RAB3GAP2: variants seen among roughly 807,000 people sequenced by gnomAD.
The protein encoded by RAB3GAP2 is rab3 GTPase-activating protein non-catalytic subunit.
A neutral mutation model predicts 185.3 loss-of-function variants in RAB3GAP2; 87 were observed. That is an observed-to-expected ratio of 0.47 (90% CI 0.39 to 0.56). The LOEUF (loss-of-function observed/expected upper bound fraction) is 0.56, where lower values mean the gene tolerates loss of function less well. Among genes scored for constraint, RAB3GAP2 ranks in the 20% least tolerant of loss-of-function variants. RAB3GAP2 has a pLI of 0.00. For synonymous variants in RAB3GAP2, 554 were observed against 576.1 expected (o/e 0.96, Z 0.55); for missense variants, 1,492 against 1,638.2 (o/e 0.91, Z 1.54).
In RAB3GAP2 at chr1:220,245,819, C is replaced by G. The variant is rs894313736; in HGVS notation, c.116-12956G>C. Among the ~76,000 whole-genome samples, 4 of 152,320 alleles carry G rather than the reference C, an allele frequency of 2.6e-5. No individual in the cohort carries two copies. In the East Asian group the frequency reaches 7.7e-4, roughly 29 times the overall value. On this transcript the variant is annotated intron_variant, in intron 1 of 34. Coordinates refer to ENST00000358951, the MANE Select transcript of RAB3GAP2 (RefSeq NM_012414.4). ...GTTCTCCCAGCAAGCAGCTGGAGAT[C>G]TGAGAACAGGCAGACTGCCTCTTCA...
rs758610450 is a variant in RAB3GAP2, at chr1:220,185,661, T to A, written c.1860A>T (p.Leu620Phe). The A allele has an allele frequency of 6.2e-7, 1 of 1,609,348 alleles. No homozygotes were observed. The highest frequency in any genetic ancestry group is 1.7e-5 in the Admixed American group (1 of 59,950). Residue 620 changes from leucine (L) to phenylalanine (F), a missense_variant, in exon 18 of 35, where the codon TTA becomes TTT. Leu to Phe is a conservative substitution (Grantham distance 22, BLOSUM62 0). Transcript: ENST00000358951. ...TACAAACCCTATTACCTTGACTTTT[T>A]AAAGTGTCCATTAAAGTCTGAGTGA... ...RNITQTLMDTLKSQELESVDE... is the reference protein window; with the variant it reads ...RNITQTLMDTFKSQELESVDE...
intron 32 of RAB3GAP2, 48 bp downstream of exon 32, chr1:220,153,919 TG>T (rs765602795): frequency 5.6e-6 from 9 of 1,606,084 alleles, no homozygotes; most frequent in African/African-American, 4.0e-5. Flanking sequence ...TTTTCCCTTA[TG>T]TTTTTTTTTC....
chr1:220,153,064 A>G (rs767018640), intron 33 of RAB3GAP2, 121 bp downstream of exon 33: 1 of 770,282 alleles, frequency 1.3e-6, no homozygotes, highest in Non-Finnish European at 2.3e-6. Context: ...TTCTATTTTT[A>G]TACCTAGATG....
intron 4 of RAB3GAP2, chr1:220,211,450 A>T (rs1026587112): frequency 4.4e-6 from 2 of 452,732 alleles, no homozygotes; most frequent in African/African-American, 4.0e-5. Flanking sequence ...GTCACGTTAC[A>T]TGCAAACTGT....
intron 9 of RAB3GAP2, among the ~76,000 whole-genome samples, chr1:220,197,048 G>A (rs1191532332): frequency 6.6e-6 from 1 of 151,116 alleles, no homozygotes; most frequent in East Asian, 2.0e-4. Context: ...GTGCAATGGT[G>A]CAATCTCAGC....
intron 2 of RAB3GAP2, among the ~76,000 whole-genome samples, chr1:220,217,948 T>C (rs1378538362): frequency 6.6e-6 from 1 of 152,214 alleles, no homozygotes; most frequent in South Asian, 2.1e-4. Context: ...AAATGGACTA[T>C]AAGTGATCTC....
At chr1:220,233,262 TC>T (rs1423955962) in intron 1 of RAB3GAP2, among the ~76,000 whole-genome samples, 2 of 152,198 alleles carry the variant, frequency 1.3e-5, no homozygotes, top group East Asian at 3.8e-4. Context: ...ACCTAAAATT[TC>T]ACAGATGTCT....
intron 2 of RAB3GAP2, among the ~76,000 whole-genome samples, chr1:220,217,659 G>T (rs1281864157): frequency 6.6e-6 from 1 of 151,954 alleles, no homozygotes. Flanking sequence ...GAATATAGGA[G>T]TAAATAACAG....
At chr1:220,183,514 A>G (rs1369107032) in intron 19 of RAB3GAP2, among the ~76,000 whole-genome samples, 2 of 152,030 alleles carry the variant, frequency 1.3e-5, no homozygotes, top group East Asian at 3.9e-4. Context: ...CAGCTTCCCA[A>G]AGTGTTAAGG....
chr1:220,267,301 A>C (rs769292505), intron 1 of RAB3GAP2: 1 of 957,956 alleles, frequency 1.0e-6, no homozygotes, highest in Non-Finnish European at 1.7e-6. Context: ...AATTAGGTAG[A>C]CTCTGGTGGC....
chr1:220,200,558 G>A (rs746047168), intron 9 of RAB3GAP2: 1 of 527,718 alleles, frequency 1.9e-6, no homozygotes, highest in South Asian at 1.4e-5. Flanking sequence ...TTGTAGGCTG[G>A]GGATAAATGA....
chr1:220,183,935 T>A, intron 19 of RAB3GAP2, 101 bp downstream of exon 19: 2 of 1,056,468 alleles, frequency 1.9e-6, no homozygotes, highest in Non-Finnish European at 1.3e-6. Context: ...TTTAAAGCTT[T>A]AAAAAAAATT....
At position 220,196,270 on chromosome 1, in the gene RAB3GAP2, C is replaced by T. The variant is rs1658721557; in HGVS notation, c.940G>A (p.Gly314Ser). The T allele has an allele frequency of 1.2e-6, 2 of 1,613,222 alleles. No homozygotes were observed. Among genetic ancestry groups the T allele is most frequent in the African/African-American group, 1.3e-5 (1 of 74,866 alleles). Reference protein sequence around the residue: ...YITVGSNPFTGFFYALEGSTQ... With the variant: ...YITVGSNPFTSFFYALEGSTQ... The stretch of plus-strand genomic sequence containing the variant: ...CATACCTCTAAAGCATAGAAGAAGC[C>T]AGTAAATGGATTGGACCCTACAGTG... Residue 314 changes from glycine to serine, a missense_variant, in exon 10 of 35, where the codon GGC (glycine) becomes AGC (serine). By Grantham distance (56) the Gly-to-Ser change is moderately conservative. Around this residue, in one of 5 missense-constraint regions of RAB3GAP2, gnomAD observed 243 missense variants for 314.8 expected, o/e 0.77. Coordinates refer to ENST00000358951, the MANE Select transcript of RAB3GAP2 (RefSeq NM_012414.4).
intron 24 of RAB3GAP2, among the ~76,000 whole-genome samples, 194 bp downstream of exon 24, chr1:220,170,698 T>C (rs1474609052): frequency 1.1e-4 from 17 of 152,236 alleles, no homozygotes; most frequent in Admixed American, 1.1e-3. Flanking sequence ...GGGAAGCACC[T>C]AGCAGTTCCT....
chr1:220,210,862 C>T lies in RAB3GAP2; in HGVS notation c.449G>A (p.Arg150His), dbSNP rs140245111. The T allele has an allele frequency of 1.6e-5, 26 of 1,613,702 alleles. No homozygotes were observed. Among genetic ancestry groups the T allele is most frequent in the African/African-American group, 1.1e-4 (8 of 74,904 alleles). ...CACCACAATGCAGGTCCAGTCAGGA[C>T]GCCCAGTGGAACTCCTGTTACAAAC... ...LASQKRSSTG[R>H]PDWTCIVVGF... is the part of the protein sequence containing the mutation. The change falls in exon 6 of 35, where the codon CGT becomes CAT. Residue 150 changes from arginine to histidine, a missense_variant. Coordinates refer to ENST00000358951, the MANE Select transcript of RAB3GAP2 (RefSeq NM_012414.4).
chr1:220,254,026 A>G, intron 1 of RAB3GAP2: 2 of 1,613,980 alleles, frequency 1.2e-6, no homozygotes. Context: ...ATTCATGAAC[A>G]GAGTTGAAGT....
At chr1:220,219,045 G>GC (rs1659253533) in intron 2 of RAB3GAP2, among the ~76,000 whole-genome samples, 2 of 152,250 alleles carry the variant, frequency 1.3e-5, no homozygotes, top group Admixed American at 6.5e-5. Context: ...ATAATATTTT[G>GC]CCCCCAGCCA....
intron 1 of RAB3GAP2, chr1:220,271,324 T>C (rs1237050339): frequency 6.6e-6 from 1 of 151,646 alleles, no homozygotes; most frequent in Non-Finnish European, 1.5e-5. Flanking sequence ...CAAAGCCAAA[T>C]GTGCTTCAGG....
At chr1:220,190,939 A>G in intron 14 of RAB3GAP2, 129 bp downstream of exon 14, 1 of 948,124 alleles carries the variant, frequency 1.1e-6, no homozygotes, top group East Asian at 2.5e-5. Context: ...CACAGGAAAA[A>G]CCACAATAAA....
Sources: gnomAD v4.1 joint callset for allele counts (sites outside exome capture counted in the v4.1 genomes callset) on GRCh38, gnomAD v4.1.1 for gene constraint, gnomAD v4.1.1 regional missense constraint, MANE v1.5 for transcripts, NCBI Gene and HGNC (gene_info 2026-07-23, HGNC 2026-07-21) for gene names.